The following ST13 variants were observed in gnomAD, a reference collection of about 807,000 sequenced individuals.
ST13 encodes ST13 Hsp70 interacting protein.
Under a neutral mutation model 56.7 loss-of-function variants are expected in ST13, and 23 were observed. The observed-to-expected ratio is 0.41, with a 90% CI of 0.29 to 0.57. The LOEUF is 0.57. ST13 is among the 20% of genes least tolerant of loss of function. The probability of loss-of-function intolerance (pLI) is 0.36; values close to 1 mark genes in which losing one functional copy is unlikely to be tolerated. For missense variants in ST13, 369 were observed against 459.9 expected, an observed-to-expected ratio of 0.80 and a Z score of 1.81; for synonymous variants, 132 against 142.4, an observed-to-expected ratio of 0.93 and a Z score of 0.52.
intron 7 of ST13, among the ~76,000 whole-genome samples, chr22:40,834,096 C>T (rs1248238243): frequency 1.3e-5 from 2 of 151,920 alleles, no homozygotes; most frequent in South Asian, 2.1e-4. Context: ...GGCTAATAGG[C>T]GAAACCCCCT....
chr22:40,849,303 C>T (rs1463138719), intron 2 of ST13, among the ~76,000 whole-genome samples: 1 of 151,630 alleles, frequency 6.6e-6, no homozygotes, highest in African/African-American at 2.4e-5. Context: ...TGGTGAAACC[C>T]CTTCTCCACT....
At chr22:40,851,666 A>T (rs2057861891) in intron 1 of ST13, among the ~76,000 whole-genome samples, 1 of 152,226 alleles carries the variant, frequency 6.6e-6, no homozygotes, top group Non-Finnish European at 1.5e-5. Context: ...GACATTATTA[A>T]AATTTGCCTT....
chr22:40,845,691 G>A (rs2057827309), intron 3 of ST13, among the ~76,000 whole-genome samples: 2 of 151,666 alleles, frequency 1.3e-5, no homozygotes, highest in South Asian at 4.1e-4. Flanking sequence ...AATGACAACT[G>A]TAATTTGTTG....
Position 40,826,678 on chromosome 22 carries a change from G to T in ST13, c.982-12C>A. 6.2e-7 allele frequency: 1 copy of T among 1,608,906 alleles called. No individual in the cohort carries two copies. On this transcript the variant is annotated splice_polypyrimidine_tract_variant and intron_variant, in intron 11 of 11. Transcript: ENST00000216218. ...ATAACTTCTGGATCCTGAAAAGAAA[G>T]GGTTCATTAGTATTTAAAAAGTGTC...
intron 1 of ST13, among the ~76,000 whole-genome samples, chr22:40,855,282 C>G (rs1449800594): frequency 1.3e-5 from 2 of 152,138 alleles, no homozygotes; most frequent in East Asian, 1.9e-4. Flanking sequence ...GGACCCCCAT[C>G]TCTACAAAAA....
Position 40,829,663 on chromosome 22 carries a change from G to A in ST13, c.810C>T (p.Ala270=). 6.7e-7 allele frequency: 1 copy of A among 1,485,570 alleles called. No homozygotes were observed. Among genetic ancestry groups the A allele is most frequent in the Non-Finnish European group, 9.1e-7 (1 of 1,101,612 alleles). The allele number at this position is 1,485,570 out of a possible 1,614,324, so 92.0% of individuals were successfully genotyped here. Residue 270 remains alanine (A), a synonymous_variant, in exon 10 of 12, where the codon GCC becomes GCT. Coordinates refer to ENST00000216218, the MANE Select transcript of ST13 (RefSeq NM_003932.5). ...CATACTGAGCTCCTGACTGTCGTCT[G>A]GCTTCTTCCTCCTTTGATACAAAAG... The part of the protein sequence containing the change: ...EHERAQREEE[A]RRQSGAQYGS...
Position 40,836,128 on chromosome 22 carries a change from T to C in ST13, c.383-241A>G, listed in dbSNP as rs544228354. Among the ~76,000 whole-genome samples the C allele has an allele frequency of 1.8e-4, 27 of 152,330 alleles. 1 individual carries two copies. The highest frequency in any genetic ancestry group is 1.6e-3 in the Admixed American group (24 of 15,294). ...CCCTAACTAACAATAGAATAGCACA[T>C]TCTTAGTATGACCCATATTGATCTT... On this transcript the variant is annotated intron_variant, in intron 5 of 11. Coordinates refer to ENST00000216218, the MANE Select transcript of ST13 (RefSeq NM_003932.5).
At chr22:40,841,833 G>C (rs538133257) in intron 4 of ST13, among the ~76,000 whole-genome samples, 1 of 151,892 alleles carries the variant, frequency 6.6e-6, no homozygotes, top group South Asian at 2.1e-4. Context: ...ACTCAAGTGA[G>C]TTGCCTGCCT....
At chr22:40,839,218 C>A (rs941385302) in intron 5 of ST13, among the ~76,000 whole-genome samples, 3 of 152,134 alleles carry the variant, frequency 2.0e-5, no homozygotes, top group African/African-American at 7.2e-5. Context: ...GTGGTAGAAT[C>A]ACAAAATGTT....
At chr22:40,832,871 CTATT>C (rs1214504615) in intron 7 of ST13, among the ~76,000 whole-genome samples, 200 bp from the exon 8 acceptor site, 1 of 152,228 alleles carries the variant, frequency 6.6e-6, no homozygotes, top group East Asian at 1.9e-4. Flanking sequence ...TAAATTTCCT[CTATT>C]TAAAGCTGCT....
chr22:40,852,632 T>C (rs537960290), intron 1 of ST13, among the ~76,000 whole-genome samples: 9 of 152,176 alleles, frequency 5.9e-5, no homozygotes, highest in Non-Finnish European at 1.3e-4. Flanking sequence ...TTTAATATGA[T>C]AGAAGAAAAT....
At chr22:40,828,373 G>A (rs2057738282) in intron 10 of ST13, among the ~76,000 whole-genome samples, 3 of 152,060 alleles carry the variant, frequency 2.0e-5, no homozygotes, top group Admixed American at 6.5e-5. Flanking sequence ...GGGAGGCCGA[G>A]GCGGGCAGAT....
In ST13 at chr22:40,835,589, C is replaced by A. The variant is rs2057773341; in HGVS notation, c.549G>T (p.Gln183His). The A allele has an allele frequency of 1.9e-6, 3 of 1,612,716 alleles. No individual in the cohort carries two copies. In the Admixed American group the frequency reaches 5.0e-5, roughly 27 times the overall value. Residue 183 changes from glutamine to histidine, a missense_variant, in exon 7 of 12, where the codon CAG becomes CAT. Physicochemically the swap from Gln to His is conservative, Grantham distance 24 (BLOSUM62 0). This residue lies in a region of ST13 where 64 missense variants were observed against 125.1 expected (regional missense o/e 0.51). Coordinates refer to ENST00000216218, the MANE Select transcript of ST13 (RefSeq NM_003932.5). The part of the protein sequence containing the change: ...RAIEINPDSA[Q>H]PYKWRGKAHR... ...GTGCTTTCCCCCGCCACTTGTAAGG[C>A]TGAGCTGAATCAGGATTTATTTCAA...
At chr22:40,854,957 T>C (rs957782676) in intron 1 of ST13, among the ~76,000 whole-genome samples, 4 of 152,182 alleles carry the variant, frequency 2.6e-5, no homozygotes, top group African/African-American at 9.7e-5. Context: ...AACATAGTAA[T>C]ATTAAATGGT....
chr22:40,851,542 C>T (rs545328673), intron 1 of ST13, among the ~76,000 whole-genome samples: 3 of 152,178 alleles, frequency 2.0e-5, no homozygotes, highest in South Asian at 2.1e-4. Context: ...AAAGAATTAG[C>T]GTTACATGCT....
At position 40,856,520 on chromosome 22, in the gene ST13, G is replaced by C. The variant is rs1239243600; in HGVS notation, c.21C>G (p.Asn7Lys). ...ACATTTTCACAAAGGCCCGAAGCTC[G>C]TTCACTTTGCGGGGGTCCATGGTAG... is the stretch of plus-strand genomic sequence containing the variant. MDPRKV[N>K]ELRAFVKMCK... Residue 7 changes from asparagine (N) to lysine (K), a missense_variant, in exon 1 of 12, where the codon AAC (asparagine) becomes AAG (lysine). Around this residue, in one of 3 missense-constraint regions of ST13, gnomAD observed 169 missense variants for 175.6 expected, o/e 0.96. Transcript: ENST00000216218. 6.2e-7 allele frequency: 1 copy of C among 1,612,716 alleles called. No individual in the cohort carries two copies. The highest frequency in any genetic ancestry group is 8.5e-7 in the Non-Finnish European group (1 of 1,179,702).
intron 3 of ST13, among the ~76,000 whole-genome samples, chr22:40,846,851 C>G (rs1174624337): frequency 6.6e-6 from 1 of 151,996 alleles, no homozygotes; most frequent in Non-Finnish European, 1.5e-5. Flanking sequence ...AAAAATTAGC[C>G]AGGCATGGTG....
intron 7 of ST13, among the ~76,000 whole-genome samples, chr22:40,834,644 C>T (rs750118028): frequency 5.3e-5 from 8 of 152,066 alleles, no homozygotes; most frequent in Non-Finnish European, 1.2e-4. Flanking sequence ...TCTTAGTTTC[C>T]GCTATAATGA....
intron 1 of ST13, among the ~76,000 whole-genome samples, chr22:40,855,376 G>A (rs1425360127): frequency 6.6e-6 from 1 of 152,146 alleles, no homozygotes; most frequent in Non-Finnish European, 1.5e-5. Context: ...TTGTGCCCAG[G>A]AATTGGAGGC....
Sources: gnomAD v4.1 joint callset for allele counts (sites outside exome capture counted in the v4.1 genomes callset) on GRCh38, gnomAD v4.1.1 for gene constraint, gnomAD v4.1.1 regional missense constraint, MANE v1.5 for transcripts, NCBI Gene and HGNC (gene_info 2026-07-23, HGNC 2026-07-21) for gene names.